The following ERP44 variants were observed in gnomAD, a reference collection of about 807,000 sequenced individuals.
ERP44 encodes endoplasmic reticulum resident protein 44.
Under a neutral mutation model 53.4 loss-of-function variants are expected in ERP44, and 25 were observed. The observed-to-expected ratio is 0.47, with a 90% CI of 0.34 to 0.65. ERP44 has a LOEUF of 0.65. Ranked by LOEUF, ERP44 falls within the 30% of genes least tolerant of loss-of-function variation. The probability of loss-of-function intolerance (pLI) is 0.01; values close to 1 mark genes in which losing one functional copy is unlikely to be tolerated. For missense variants in ERP44, 338 were observed against 493.2 expected (o/e 0.69, Z 2.98); for synonymous variants, 145 against 161.2 (o/e 0.90, Z 0.76).
At chr9:100,039,109 T>TTAAGA (rs1825875443) in intron 4 of ERP44, among the ~76,000 whole-genome samples, 2 of 152,172 alleles carry the variant, frequency 1.3e-5, no homozygotes. Flanking sequence ...ATACCCTACT[T>TTAAGA]TCAGTCTTGG....
At position 100,060,086 on chromosome 9, in the gene ERP44, A is replaced by C; in HGVS notation, c.130+14T>G. 1 of 1,440,794 alleles carries C rather than the reference A, an allele frequency of 6.9e-7. No homozygotes were observed. The allele number at this position is 1,440,794 out of a possible 1,614,324, so 89.3% of individuals were successfully genotyped here. A position where few individuals can be genotyped will look rare whatever the true frequency, so the allele number is the denominator to read the frequency against. ...AGAAGAAAGAGTACACTTTAAAAATATTGAGGTACTTACTTAAAATTTCAT... is the reference window on the plus strand; with the variant it reads ...AGAAGAAAGAGTACACTTTAAAAATCTTGAGGTACTTACTTAAAATTTCAT... On this transcript the variant is annotated intron_variant, in intron 2 of 11. Transcript: ENST00000262455.
At chr9:100,053,346 C>G (rs1039108550) in intron 3 of ERP44, among the ~76,000 whole-genome samples, 1 of 152,140 alleles carries the variant, frequency 6.6e-6, no homozygotes, top group South Asian at 2.1e-4. Flanking sequence ...CACAAACCCC[C>G]ACAATATTCT....
At chr9:100,088,838 C>CTA (rs1319087296) in intron 1 of ERP44, among the ~76,000 whole-genome samples, 2 of 152,054 alleles carry the variant, frequency 1.3e-5, no homozygotes, top group African/African-American at 2.4e-5. Flanking sequence ...TCTCTTTAGT[C>CTA]TATATATATT....
intron 4 of ERP44, among the ~76,000 whole-genome samples, chr9:100,042,881 G>A (rs1006031153): frequency 5.9e-5 from 9 of 152,174 alleles, no homozygotes; most frequent in African/African-American, 2.2e-4. Flanking sequence ...CATGGAGATA[G>A]AGCATAGAAG....
chr9:100,078,455 CA>C lies in ERP44; in HGVS notation c.58-18284del, dbSNP rs61442605. ...CCTGGGTGACAGAGCAAGACTCTAT[CA>C]AAAAAAAAAAAAAAAAGTCCGGGTG... On this transcript the variant is annotated intron_variant, in intron 1 of 11. Coordinates refer to ENST00000262455, the MANE Select transcript of ERP44 (RefSeq NM_015051.3). Among the ~76,000 whole-genome samples the C allele has an allele frequency of 9.5e-4, 109 of 114,692 alleles. 1 individual carries two copies. Among genetic ancestry groups the C allele is most frequent in the Non-Finnish European group, 8.8e-4 (49 of 55,782 alleles). 75.2% of individuals were successfully genotyped at this position (114,692 alleles called of 152,430 possible). A position where few individuals can be genotyped will look rare whatever the true frequency, so the allele number is the denominator to read the frequency against.
At chr9:100,038,005 G>A (rs1825861687) in intron 4 of ERP44, among the ~76,000 whole-genome samples, 1 of 151,898 alleles carries the variant, frequency 6.6e-6, no homozygotes, top group South Asian at 2.1e-4. Flanking sequence ...TTATTATAGT[G>A]GCAAAAACAT....
intron 10 of ERP44, among the ~76,000 whole-genome samples, chr9:100,000,800 C>A (rs1220500006): frequency 1.3e-5 from 2 of 151,952 alleles, no homozygotes; most frequent in Admixed American, 6.6e-5. Flanking sequence ...TTTTAAAAAA[C>A]CAGCTATAGT....
rs567764683 is a variant in ERP44, at chr9:100,096,046, C to T, written c.57+2738G>A. 9.9e-5 allele frequency among the ~76,000 whole-genome samples: 15 copies of T among 152,014 alleles called. No individual in the cohort carries two copies. In the South Asian group the frequency reaches 2.1e-3, roughly 21 times the overall value. ...TAAGTGTTCACATGCGGGACAATTACGACTAGTAACAATTATGATCTATAA... is the reference window on the plus strand; with the variant it reads ...TAAGTGTTCACATGCGGGACAATTATGACTAGTAACAATTATGATCTATAA... On this transcript the variant is annotated intron_variant, in intron 1 of 11. Transcript: ENST00000262455.
At chr9:100,036,324 T>C (rs2118680210) in intron 4 of ERP44, among the ~76,000 whole-genome samples, 1 of 152,344 alleles carries the variant, frequency 6.6e-6, no homozygotes, top group South Asian at 2.1e-4. Flanking sequence ...TATATAAGAA[T>C]GAAATCATGT....
At chr9:100,070,856 C>G (rs534672904) in intron 1 of ERP44, among the ~76,000 whole-genome samples, 1 of 152,082 alleles carries the variant, frequency 6.6e-6, no homozygotes, top group East Asian at 1.9e-4. Context: ...GGCCTCCCCC[C>G]AGAAGTAGAC....
intron 4 of ERP44, among the ~76,000 whole-genome samples, chr9:100,035,434 G>C (rs550622594): frequency 6.6e-6 from 1 of 152,314 alleles, no homozygotes; most frequent in South Asian, 2.1e-4. Context: ...CCAGCACTTT[G>C]GGAGGCCAAG....
At chr9:99,998,466 G>C in intron 10 of ERP44, 1 of 698,000 alleles carries the variant, frequency 1.4e-6, no homozygotes, top group South Asian at 1.6e-5. Context: ...TCACACCTCT[G>C]CACTCTTCCT....
At chr9:100,075,091 A>G (rs1402265144) in intron 1 of ERP44, among the ~76,000 whole-genome samples, 3 of 152,348 alleles carry the variant, frequency 2.0e-5, no homozygotes, top group Non-Finnish European at 2.9e-5. Flanking sequence ...GACTGCAGAG[A>G]TTAGTGTCAC....
chr9:100,040,621 G>C (rs1825889894), intron 4 of ERP44, among the ~76,000 whole-genome samples: 2 of 152,064 alleles, frequency 1.3e-5, no homozygotes, highest in Admixed American at 1.3e-4. Flanking sequence ...GATGCCCACT[G>C]TCACTATTAT....
chr9:100,065,133 G>T (rs1297919451), intron 1 of ERP44, among the ~76,000 whole-genome samples: 1 of 152,090 alleles, frequency 6.6e-6, no homozygotes, highest in African/African-American at 2.4e-5. Flanking sequence ...AGTCCTGCAA[G>T]TTTCATTCAT....
intron 4 of ERP44, among the ~76,000 whole-genome samples, chr9:100,047,701 GCA>G (rs1344969195): frequency 6.6e-6 from 1 of 152,084 alleles, no homozygotes; most frequent in African/African-American, 2.4e-5. Context: ...AACATCTAAA[GCA>G]CAGTCAACCA....
intron 10 of ERP44, among the ~76,000 whole-genome samples, chr9:100,006,235 T>C (rs143827649): frequency 8.5e-5 from 13 of 152,298 alleles, no homozygotes; most frequent in Admixed American, 5.2e-4. Flanking sequence ...CTTTGAGAGA[T>C]TGATTCCCAA....
At chr9:100,018,165 T>A (rs566855125) in intron 7 of ERP44, 91 bp downstream of exon 7, 2 of 834,822 alleles carry the variant, frequency 2.4e-6, no homozygotes, top group African/African-American at 1.7e-5. Context: ...AAAGTTCTAT[T>A]AGTCTATGAA....
chr9:100,029,177 A>C (rs185519836), intron 4 of ERP44, among the ~76,000 whole-genome samples: 1 of 152,318 alleles, frequency 6.6e-6, no homozygotes, highest in East Asian at 1.9e-4. Context: ...AAGCAAAAAT[A>C]GACAAATGGG....
Sources: gnomAD v4.1 joint callset for allele counts (sites outside exome capture counted in the v4.1 genomes callset) on GRCh38, gnomAD v4.1.1 for gene constraint, MANE v1.5 for transcripts, NCBI Gene and HGNC (gene_info 2026-07-23, HGNC 2026-07-21) for gene names.